Variants in BTBD10 observed in about 807,000 individuals in gnomAD.
BTBD10 encodes BTB domain containing 10.
BTBD10 carries 21 observed loss-of-function variants against 53.2 expected under a neutral mutation model. The ratio of observed to expected loss-of-function variants is 0.39; its 90% CI spans 0.28 to 0.57. BTBD10 has a LOEUF of 0.57. Ranked by LOEUF, BTBD10 falls within the 20% of genes least tolerant of loss-of-function variation. The pLI is 0.53. For synonymous variants in BTBD10, 149 were observed against 192.7 expected, an observed-to-expected ratio of 0.77 and a Z score of 1.88; for missense variants, 360 against 594.7, an observed-to-expected ratio of 0.61 and a Z score of 4.10.
chr11:13,440,298 T>G, intron 2 of BTBD10: 1 of 1,162,022 alleles, frequency 8.6e-7, no homozygotes, highest in South Asian at 1.9e-5. Flanking sequence ...ATCGTCCCAT[T>G]TCTCCATCTC....
intron 2 of BTBD10, 29 bp from the exon 3 acceptor site, chr11:13,421,867 T>C (rs775077939): frequency 6.5e-7 from 1 of 1,548,268 alleles, no homozygotes; most frequent in South Asian, 1.2e-5. Context: ...AAATTAACCA[T>C]AAAAGCAGAA....
chr11:13,395,249 A>T (rs1415278781), intron 8 of BTBD10, among the ~76,000 whole-genome samples: 1 of 151,808 alleles, frequency 6.6e-6, no homozygotes, highest in African/African-American at 2.4e-5. Flanking sequence ...CTGGTGTGAG[A>T]TGGTATCTCA....
chr11:13,448,401 A>G (rs1243010926), intron 1 of BTBD10, among the ~76,000 whole-genome samples: 2 of 152,170 alleles, frequency 1.3e-5, no homozygotes, highest in East Asian at 3.9e-4. Context: ...CCTTGCAAAT[A>G]TCAGGATTTA....
chr11:13,408,377 C>T (rs906308271), intron 6 of BTBD10, among the ~76,000 whole-genome samples: 6 of 152,122 alleles, frequency 3.9e-5, no homozygotes, highest in African/African-American at 1.2e-4. Context: ...TAAAATAAAT[C>T]CTCAACTTGG....
intron 8 of BTBD10, among the ~76,000 whole-genome samples, chr11:13,393,068 CT>C (rs781456933): frequency 6.6e-6 from 1 of 152,148 alleles, no homozygotes; most frequent in Non-Finnish European, 1.5e-5. Context: ...AAAGAAGTGC[CT>C]TTTGGTGGAA....
intron 2 of BTBD10, chr11:13,439,899 G>A: frequency 6.5e-7 from 1 of 1,531,382 alleles, no homozygotes; most frequent in Non-Finnish European, 8.7e-7. Flanking sequence ...TTTAGTATAT[G>A]CCAAGGTAGA....
intron 1 of BTBD10, among the ~76,000 whole-genome samples, chr11:13,445,538 T>C (rs1216115943): frequency 6.6e-6 from 1 of 152,176 alleles, no homozygotes; most frequent in African/African-American, 2.4e-5. Context: ...TTAGACACAA[T>C]TTCACTTGGA....
At chr11:13,413,498 C>CA (rs1210959372) in intron 6 of BTBD10, 32 bp downstream of exon 6, 2 of 1,574,264 alleles carry the variant, frequency 1.3e-6, no homozygotes, top group African/African-American at 2.7e-5. Flanking sequence ...TCTAATTCTA[C>CA]AAACCACTTA....
intron 8 of BTBD10, among the ~76,000 whole-genome samples, chr11:13,397,136 C>G (rs929973578): frequency 2.6e-5 from 4 of 152,114 alleles, no homozygotes; most frequent in African/African-American, 7.2e-5. Context: ...CTCCTTGTAC[C>G]TCTGGTAGAA....
rs749042411 is a variant in BTBD10 at position 13,417,178 on chromosome 11, T to G, written c.667A>C (p.Thr223Pro). 7 of 1,613,120 alleles carry G rather than the reference T, an allele frequency of 4.3e-6. No homozygotes were observed. The South Asian group carries it at 7.7e-5, about 18-fold the overall frequency. Residue 223 changes from threonine to proline, a missense_variant, in exon 5 of 9, where the codon ACT becomes CCT. Transcript: ENST00000278174. ...EYEVAEGIGS[T>P]VFRAILDYYK... is the part of the protein sequence containing the mutation. The stretch of plus-strand genomic sequence containing the variant: ...CTCACCAGAATCGCTCGAAACACAG[T>G]GGAACCAATTCCCTCTGCCACCTCA...
chr11:13,394,383 T>C (rs1424531244), intron 8 of BTBD10, among the ~76,000 whole-genome samples: 1 of 152,196 alleles, frequency 6.6e-6, no homozygotes, highest in Non-Finnish European at 1.5e-5. Context: ...CACTCTCTCC[T>C]GCCACCATGT....
intron 8 of BTBD10, among the ~76,000 whole-genome samples, chr11:13,401,377 A>C (rs1415550975): frequency 6.6e-6 from 1 of 152,140 alleles, no homozygotes. Flanking sequence ...CTATTTGAGA[A>C]CCACCTATAC....
intron 2 of BTBD10, among the ~76,000 whole-genome samples, chr11:13,430,340 G>C (rs1056695046): frequency 2.0e-5 from 3 of 152,138 alleles, no homozygotes; most frequent in Non-Finnish European, 4.4e-5. Flanking sequence ...TTACACATTA[G>C]AGTGGCTAAA....
chr11:13,407,393 T>A (rs1422382555), intron 6 of BTBD10, among the ~76,000 whole-genome samples: 1 of 152,174 alleles, frequency 6.6e-6, no homozygotes, highest in Non-Finnish European at 1.5e-5. Context: ...TCAAACTCAA[T>A]ACATCCAAAA....
At chr11:13,452,362 T>C (rs1950878580) in intron 1 of BTBD10, among the ~76,000 whole-genome samples, 1 of 152,220 alleles carries the variant, frequency 6.6e-6, no homozygotes, top group Non-Finnish European at 1.5e-5. Context: ...TGAACTATTC[T>C]GTACCTTAAT....
At chr11:13,412,288 T>C (rs973981060) in intron 6 of BTBD10, among the ~76,000 whole-genome samples, 2 of 152,054 alleles carry the variant, frequency 1.3e-5, no homozygotes, top group African/African-American at 2.4e-5. Flanking sequence ...ACCCTGTCTC[T>C]ATTAAAACAA....
chr11:13,389,570 G>C (rs146052107), intron 8 of BTBD10, among the ~76,000 whole-genome samples: 213 of 152,162 alleles, frequency 1.4e-3, no homozygotes, highest in Non-Finnish European at 2.2e-3. Flanking sequence ...GCGGATTACA[G>C]GCATGTGCCA....
intron 8 of BTBD10, among the ~76,000 whole-genome samples, chr11:13,394,469 T>A (rs1346007632): frequency 6.6e-6 from 1 of 152,232 alleles, no homozygotes; most frequent in Non-Finnish European, 1.5e-5. Flanking sequence ...ATGCTTCCTG[T>A]TAAGCCTGCG....
At chr11:13,389,562 G>C (rs555583056) in intron 8 of BTBD10, among the ~76,000 whole-genome samples, 1 of 151,994 alleles carries the variant, frequency 6.6e-6, no homozygotes, top group Non-Finnish European at 1.5e-5. Flanking sequence ...AGAGTAGCGC[G>C]GATTACAGGC....
Sources: allele counts gnomAD v4.1 joint callset (sites outside exome capture counted in the v4.1 genomes callset), GRCh38; gene constraint gnomAD v4.1.1; transcripts MANE v1.5; gene names NCBI Gene and HGNC (gene_info 2026-07-23, HGNC 2026-07-21).